The following GPR39 variants were observed in gnomAD, a reference collection of about 807,000 sequenced individuals.
The protein encoded by GPR39 is G protein-coupled receptor 39.
Under a neutral mutation model 18.4 loss-of-function variants are expected in GPR39, and 23 were observed. The ratio of observed to expected loss-of-function variants is 1.25; its 90% confidence interval spans 0.90 to 1.77. The LOEUF is 1.77. GPR39 is among the 40% of genes most tolerant of loss of function. The pLI, the probability that GPR39 is intolerant of heterozygous loss-of-function variation, is 0.00. For missense variants in GPR39, 647 were observed against 602.4 expected (o/e 1.07, Z -0.78); for synonymous variants, 280 against 257.9 (o/e 1.09, Z -0.82).
At chr2:132,545,114 C>T (rs1372040172) in intron 1 of GPR39, among the ~76,000 whole-genome samples, 2 of 152,208 alleles carry the variant, frequency 1.3e-5, no homozygotes, top group Admixed American at 6.5e-5. Flanking sequence ...AGTTGGGTTT[C>T]AGTGGGGACC....
intron 1 of GPR39, among the ~76,000 whole-genome samples, chr2:132,563,499 G>A (rs1680291270): frequency 1.3e-5 from 2 of 152,136 alleles, no homozygotes; most frequent in South Asian, 2.1e-4. Flanking sequence ...AATAAAATGA[G>A]TATCCTGTTT....
chr2:132,606,184 A>G (rs1186972865), intron 1 of GPR39: 1 of 152,262 alleles, frequency 6.6e-6, no homozygotes, highest in African/African-American at 2.4e-5. Flanking sequence ...AGTCCCACAG[A>G]TCAAAGGTAA....
chr2:132,637,778 G>A (rs929833677), intron 1 of GPR39, among the ~76,000 whole-genome samples: 6 of 152,184 alleles, frequency 3.9e-5, no homozygotes, highest in South Asian at 2.1e-4. Flanking sequence ...CATCCATGCC[G>A]CTCCCAATGC....
intron 1 of GPR39, among the ~76,000 whole-genome samples, chr2:132,522,191 A>G (rs1203817255): frequency 6.6e-6 from 1 of 152,192 alleles, no homozygotes. Flanking sequence ...ATCAGCACAC[A>G]CATCCCCTTC....
intron 1 of GPR39, among the ~76,000 whole-genome samples, chr2:132,438,913 A>G (rs1165128619): frequency 1.3e-5 from 2 of 152,184 alleles, no homozygotes; most frequent in African/African-American, 4.8e-5. Flanking sequence ...CTGCCATGGC[A>G]GCATATTAAT....
intron 1 of GPR39, among the ~76,000 whole-genome samples, chr2:132,546,586 C>G (rs894353054): frequency 5.9e-5 from 9 of 152,060 alleles, no homozygotes; most frequent in Non-Finnish European, 1.2e-4. Context: ...ATTCCTATCA[C>G]CAGCAGAGTG....
At chr2:132,487,071 C>T (rs1019810588) in intron 1 of GPR39, among the ~76,000 whole-genome samples, 4 of 152,008 alleles carry the variant, frequency 2.6e-5, no homozygotes, top group African/African-American at 4.8e-5. Flanking sequence ...TCAGGGAATA[C>T]GGAGGCCTGA....
At chr2:132,546,721 C>T (rs563080994) in intron 1 of GPR39, among the ~76,000 whole-genome samples, 41 of 151,224 alleles carry the variant, frequency 2.7e-4, no homozygotes, top group Non-Finnish European at 4.7e-4. Context: ...TCTCAGTGGA[C>T]GTTGGCACCC....
intron 1 of GPR39, among the ~76,000 whole-genome samples, chr2:132,425,723 G>C (rs1408460668): frequency 3.9e-5 from 6 of 152,178 alleles, no homozygotes; most frequent in Non-Finnish European, 7.3e-5. Context: ...TCAGAGGCAG[G>C]AGAACTAAGA....
intron 1 of GPR39, among the ~76,000 whole-genome samples, chr2:132,636,701 T>A (rs1048283453): frequency 1.3e-5 from 2 of 152,246 alleles, no homozygotes; most frequent in African/African-American, 2.4e-5. Context: ...AGTGCCAGCA[T>A]TCTAGAGTTT....
intron 1 of GPR39, among the ~76,000 whole-genome samples, chr2:132,521,255 C>G (rs1000239554): frequency 6.6e-6 from 1 of 152,242 alleles, no homozygotes; most frequent in Non-Finnish European, 1.5e-5. Flanking sequence ...GCCTGAGAGA[C>G]GTTGCCCCAA....
chr2:132,495,269 C>G (rs943769352), intron 1 of GPR39, among the ~76,000 whole-genome samples: 5 of 152,204 alleles, frequency 3.3e-5, no homozygotes, highest in African/African-American at 9.7e-5. Flanking sequence ...GTGAACCTTA[C>G]ATTTGTCAAG....
At chr2:132,529,917 A>G (rs1679581637) in intron 1 of GPR39, among the ~76,000 whole-genome samples, 1 of 152,190 alleles carries the variant, frequency 6.6e-6, no homozygotes, top group Non-Finnish European at 1.5e-5. Context: ...ACAGAGCAGA[A>G]AAACCGGAAA....
At chr2:132,559,111 G>A (rs1004194025) in intron 1 of GPR39, among the ~76,000 whole-genome samples, 3 of 152,210 alleles carry the variant, frequency 2.0e-5, no homozygotes, top group African/African-American at 7.2e-5. Context: ...ATCAAATAGA[G>A]AGGGTTTTCA....
intron 1 of GPR39, among the ~76,000 whole-genome samples, chr2:132,476,838 G>C (rs1681139861): frequency 6.6e-6 from 1 of 152,036 alleles, no homozygotes; most frequent in Non-Finnish European, 1.5e-5. Context: ...TTATTCCTTA[G>C]AACAGTCATT....
chr2:132,442,292 C>T (rs1315043380), intron 1 of GPR39, among the ~76,000 whole-genome samples: 1 of 152,172 alleles, frequency 6.6e-6, no homozygotes, highest in African/African-American at 2.4e-5. Flanking sequence ...GAGGTCGTTG[C>T]AACAAACCCA....
chr2:132,451,667 A>G (rs932113240), intron 1 of GPR39, among the ~76,000 whole-genome samples: 3 of 151,906 alleles, frequency 2.0e-5, no homozygotes, highest in African/African-American at 7.3e-5. Context: ...CACTTGTTTT[A>G]CTATATTCTT....
At chr2:132,611,616 GT>G (rs1333877498) in intron 1 of GPR39, among the ~76,000 whole-genome samples, 2 of 133,540 alleles carry the variant, frequency 1.5e-5, no homozygotes, top group African/African-American at 3.0e-5. Flanking sequence ...AAGACCTGGA[GT>G]TTGATTTGCA....
intron 1 of GPR39, among the ~76,000 whole-genome samples, chr2:132,556,677 G>A (rs545356470): frequency 6.6e-6 from 1 of 152,278 alleles, no homozygotes; most frequent in Non-Finnish European, 1.5e-5. Context: ...ATGTGGTGCA[G>A]GCACATCTAA....
Sources: gnomAD v4.1 joint callset for allele counts (sites outside exome capture counted in the v4.1 genomes callset) on GRCh38, gnomAD v4.1.1 for gene constraint, MANE v1.5 for transcripts, NCBI Gene and HGNC (gene_info 2026-07-23, HGNC 2026-07-21) for gene names.